Variants in C1orf50 observed in about 807,000 individuals in gnomAD.
C1orf50 encodes chromosome 1 open reading frame 50, also known as uncharacterized protein C1orf50.
A neutral mutation model predicts 23.3 loss-of-function variants in C1orf50; 22 were observed. That is an observed-to-expected ratio of 0.94 (90% CI 0.67 to 1.35). The LOEUF (loss-of-function observed/expected upper bound fraction) is 1.35, where lower values mean the gene tolerates loss of function less well. Ranked by LOEUF, C1orf50 falls within the 40% of genes most tolerant of loss-of-function variation. The probability of loss-of-function intolerance (pLI) is 0.00; values close to 1 mark genes in which losing one functional copy is unlikely to be tolerated. For missense variants in C1orf50, 271 were observed against 249.4 expected (o/e 1.09, Z -0.58); for synonymous variants, 96 against 102.4 (o/e 0.94, Z 0.38).
chr1:42,778,974 T>TTCC lies in C1orf50; in HGVS notation c.*3580_*3581insTCC, dbSNP rs1653391176. On this transcript the variant is annotated 3_prime_UTR_variant, in exon 5 of 5. Transcript: ENST00000372525. ...TATTTCACCAATTACAAGGTGTACT[T>TTCC]CCCCCCCCCCCCCCCCCACATTTTG... 4 of 61,662 alleles carry TTCC rather than the reference T, an allele frequency of 6.5e-5. No individual in the cohort carries two copies. The highest frequency in any genetic ancestry group is 9.6e-5 in the Non-Finnish European group (3 of 31,120). The allele number at this position is 61,662 out of a possible 1,614,324, so 3.8% of individuals were successfully genotyped here.
chr1:42,770,390 AC>A (rs1653190336), intron 2 of C1orf50, among the ~76,000 whole-genome samples: 1 of 151,320 alleles, frequency 6.6e-6, no homozygotes. Context: ...CTCTAGAAAT[AC>A]CTACTCTCTC....
rs1352839054 is a variant in C1orf50 at position 42,775,920 on chromosome 1, C to T, written c.*526C>T. On this transcript the variant is annotated 3_prime_UTR_variant, in exon 5 of 5. Coordinates refer to ENST00000372525, the MANE Select transcript of C1orf50 (RefSeq NM_024097.4). ...ACAACAACAACAACAAAAAAAAAAA[C>T]ACTTGGCTTGGCTGGACCAGAGAGT... 1 of 148,312 alleles carries T rather than the reference C, an allele frequency of 6.7e-6. No homozygotes were observed. The highest frequency in any genetic ancestry group is 1.5e-5 in the Non-Finnish European group (1 of 67,296). The allele number at this position is 148,312 out of a possible 1,614,324, so 9.2% of individuals were successfully genotyped here.
Position 42,767,401 on chromosome 1 carries a change from C to T in C1orf50, c.79+11C>T, listed in dbSNP as rs375132855. 8,287 of 1,556,252 alleles carry T rather than the reference C, an allele frequency of 5.3e-3. 33 individuals carry two copies. The highest frequency in any genetic ancestry group is 6.0e-3 in the Non-Finnish European group (6,914 of 1,151,610). On this transcript the variant is annotated intron_variant, in intron 1 of 4. Transcript: ENST00000372525. The stretch of plus-strand genomic sequence containing the variant: ...CTGCAGGCCAGGGAGGTATGCGGGG[C>T]GGGAGTCAGCAGGGGGAAGTCAGCT...
intron 4 of C1orf50, 148 bp downstream of exon 4, chr1:42,775,016 A>G (rs1315487680): frequency 1.8e-6 from 2 of 1,106,868 alleles, no homozygotes. Context: ...TAAAAAATAT[A>G]CCTGTGCTTA....
chr1:42,768,534 TC>T lies in C1orf50; in HGVS notation c.195+911del, dbSNP rs151287345. On this transcript the variant is annotated intron_variant, in intron 2 of 4. Transcript: ENST00000372525. ...AAATTCCCTCACATCTCTTTTTTTT[TC>T]AATGATCCTAGAAATCCTTCGAATC... Among the ~76,000 whole-genome samples, 898 of 151,608 alleles carry T rather than the reference TC, an allele frequency of 5.9e-3. 13 individuals are homozygous for T. Among genetic ancestry groups the T allele is most frequent in the African/African-American group, 0.021 (874 of 41,190 alleles).
rs996807360 is a variant in C1orf50 at position 42,773,634 on chromosome 1, A to G, written c.267A>G (p.Gln89=). 1.4e-5 allele frequency: 23 copies of G among 1,610,768 alleles called. No homozygotes were observed. Among genetic ancestry groups the G allele is most frequent in the Non-Finnish European group, 2.0e-5 (23 of 1,177,286 alleles). Residue 89 remains glutamine, a synonymous_variant, in exon 3 of 5, where the codon CAA becomes CAG. Transcript: ENST00000372525. ...TAGCTGAGCAAATCCAACATTTGCA[A>G]GAACAAGCCAGGAAGGTAAGGAATG... ...TVIAEQIQHL[Q]EQARKVLEDA...
At chr1:42,773,192 A>T (rs1653260441) in intron 2 of C1orf50, 1 of 156,734 alleles carries the variant, frequency 6.4e-6, no homozygotes, top group African/African-American at 2.4e-5. Context: ...AAAGAGCAGG[A>T]GGAAAAATGG....
intron 4 of C1orf50, 61 bp from the exon 5 acceptor site, chr1:42,775,148 A>G: frequency 6.9e-7 from 1 of 1,457,844 alleles, no homozygotes; most frequent in Non-Finnish European, 9.5e-7. Flanking sequence ...CATGATTAGG[A>G]AATGAGCTCA....
At position 42,770,205 on chromosome 1, in the gene C1orf50, AT is replaced by A. The variant is rs967326003; in HGVS notation, c.195+2589del. ...TTAAGTTGTTCGTGAAATATTTTGC[AT>A]TTTTTTTGTTTGTTTCTTTTTTCCT... On this transcript the variant is annotated intron_variant, in intron 2 of 4. Coordinates refer to ENST00000372525, the MANE Select transcript of C1orf50 (RefSeq NM_024097.4). Among the ~76,000 whole-genome samples, 24 of 151,444 alleles carry A rather than the reference AT, an allele frequency of 1.6e-4. No individual in the cohort carries two copies. The East Asian group carries it at 3.9e-3, about 24-fold the overall frequency.
At chr1:42,772,178 C>A (rs1653238633) in intron 2 of C1orf50, among the ~76,000 whole-genome samples, 1 of 152,106 alleles carries the variant, frequency 6.6e-6, no homozygotes, top group African/African-American at 2.4e-5. Context: ...ATAGTAGCTG[C>A]CTAATATACA....
chr1:42,775,528 T>C lies in C1orf50; in HGVS notation c.*134T>C. On this transcript the variant is annotated 3_prime_UTR_variant, in exon 5 of 5. Transcript: ENST00000372525. ...GAAAGAGACCCTGTGTGAATGTAAA[T>C]GCTGTCATTATGACTTTTAATTGGG... 1 of 708,178 alleles carries C rather than the reference T, an allele frequency of 1.4e-6. No individual in the cohort carries two copies. Among genetic ancestry groups the C allele is most frequent in the Non-Finnish European group, 2.2e-6 (1 of 446,632 alleles). The allele number at this position is 708,178 out of a possible 1,614,324, so 43.9% of individuals were successfully genotyped here.
Position 42,775,739 on chromosome 1 carries a change from C to A in C1orf50, c.*345C>A. Reference sequence around the variant, plus strand: ...ATAAAAAGGTTGGTGGATCGTTTTCCAGAGAGAACTGTTTTCAGTCTTTTA... The same window carrying A: ...ATAAAAAGGTTGGTGGATCGTTTTCAAGAGAGAACTGTTTTCAGTCTTTTA... On this transcript the variant is annotated 3_prime_UTR_variant, in exon 5 of 5. Coordinates refer to ENST00000372525, the MANE Select transcript of C1orf50 (RefSeq NM_024097.4). 1 of 138,162 alleles carries A rather than the reference C, an allele frequency of 7.2e-6. No homozygotes were observed. The highest frequency in any genetic ancestry group is 2.9e-4 in the South Asian group (1 of 3,468). The allele number at this position is 138,162 out of a possible 1,614,324, so 8.6% of individuals were successfully genotyped here.
intron 2 of C1orf50, among the ~76,000 whole-genome samples, chr1:42,769,081 T>G (rs530375622): frequency 6.6e-6 from 1 of 152,012 alleles, no homozygotes; most frequent in East Asian, 1.9e-4. Flanking sequence ...CTGGCCAACA[T>G]GGTGAAACCC....
Position 42,774,724 on chromosome 1 carries a change from C to G in C1orf50, c.283-13C>G. ...CTCCAATACCTAATTTGTTACATAT[C>G]TGTGATTCATAGGTACTGGAAGATG... is the stretch of plus-strand genomic sequence containing the variant. On this transcript the variant is annotated splice_polypyrimidine_tract_variant and intron_variant, in intron 3 of 4. Coordinates refer to ENST00000372525, the MANE Select transcript of C1orf50 (RefSeq NM_024097.4). 11 of 1,591,238 alleles carry G rather than the reference C, an allele frequency of 6.9e-6. No homozygotes were observed. Among genetic ancestry groups the G allele is most frequent in the Non-Finnish European group, 8.6e-6 (10 of 1,163,590 alleles).
In C1orf50 at chr1:42,769,184, G is replaced by A. The variant is rs112464773; in HGVS notation, c.195+1560G>A. On this transcript the variant is annotated intron_variant, in intron 2 of 4. Coordinates refer to ENST00000372525, the MANE Select transcript of C1orf50 (RefSeq NM_024097.4). ...AATCGCTTGAGCCCAGGAGACAGAG[G>A]TTGCAGTGAGCCGAGATCGCACCAC... is the stretch of plus-strand genomic sequence containing the variant. 5.1e-3 allele frequency among the ~76,000 whole-genome samples: 776 copies of A among 152,056 alleles called. 11 individuals are homozygous for A. The highest frequency in any genetic ancestry group is 0.018 in the African/African-American group (753 of 41,418).
At chr1:42,773,516 A>G in intron 2 of C1orf50, 47 bp from the exon 3 acceptor site, 3 of 1,109,102 alleles carry the variant, frequency 2.7e-6, no homozygotes, top group Non-Finnish European at 4.1e-6. Flanking sequence ...ACATCATAGA[A>G]GTCTTTTCCT....
chr1:42,767,796 A>C (rs1302478115), intron 2 of C1orf50, among the ~76,000 whole-genome samples, 172 bp downstream of exon 2: 1 of 152,126 alleles, frequency 6.6e-6, no homozygotes, highest in African/African-American at 2.4e-5. Flanking sequence ...GATTCGAATG[A>C]CCTTCTGGGA....
At chr1:42,774,135 G>A (rs983136428) in intron 3 of C1orf50, among the ~76,000 whole-genome samples, 1 of 152,300 alleles carries the variant, frequency 6.6e-6, no homozygotes, top group Non-Finnish European at 1.5e-5. Flanking sequence ...TTTAACAGGG[G>A]ATTATGTTTT....
chr1:42,778,367 G>A lies in C1orf50; in HGVS notation c.*2973G>A, dbSNP rs1313804879. On this transcript the variant is annotated 3_prime_UTR_variant, in exon 5 of 5. Coordinates refer to ENST00000372525, the MANE Select transcript of C1orf50 (RefSeq NM_024097.4). ...AAGGGGTGTGATAGAGGTACGCATG[G>A]AATACTATGGAGCTCCGGGGAGGGG... The A allele has an allele frequency of 2.0e-5, 3 of 152,190 alleles. No homozygotes were observed. The highest frequency in any genetic ancestry group is 4.4e-5 in the Non-Finnish European group (3 of 68,036). 9.4% of individuals were successfully genotyped at this position (152,190 alleles called of 1,614,324 possible).
Sources: gnomAD v4.1 joint callset for allele counts (sites outside exome capture counted in the v4.1 genomes callset) on GRCh38, gnomAD v4.1.1 for gene constraint, MANE v1.5 for transcripts, NCBI Gene and HGNC (gene_info 2026-07-23, HGNC 2026-07-21) for gene names.